Variants in SYT16 observed in about 807,000 individuals in gnomAD.
SYT16 encodes synaptotagmin-16.
Under a neutral mutation model 61.4 loss-of-function variants are expected in SYT16, and 42 were observed. The ratio of observed to expected loss-of-function variants is 0.68; its 90% CI spans 0.53 to 0.89. SYT16 has a LOEUF of 0.89. Among genes scored for constraint, SYT16 ranks in the 40% least tolerant of loss-of-function variants. The pLI, the probability that SYT16 is intolerant of heterozygous loss-of-function variation, is 0.00. For synonymous variants in SYT16, 314 were observed against 302.3 expected, an observed-to-expected ratio of 1.04 and a Z score of -0.40; for missense variants, 804 against 807.3, an observed-to-expected ratio of 1.00 and a Z score of 0.05.
chr14:62,031,521 G>T (rs1030100115), intron 3 of SYT16, among the ~76,000 whole-genome samples: 7 of 152,246 alleles, frequency 4.6e-5, no homozygotes, highest in African/African-American at 1.7e-4. Flanking sequence ...AACAAGAGGG[G>T]CAAATGTGAG....
At chr14:62,094,257 T>TA (rs1477226363) in intron 7 of SYT16, among the ~76,000 whole-genome samples, 1 of 152,170 alleles carries the variant, frequency 6.6e-6, no homozygotes, top group African/African-American at 2.4e-5. Flanking sequence ...CAAAGCCTTT[T>TA]AAAATCTCTT....
chr14:61,924,449 A>G (rs1013592997), intron 1 of SYT16, among the ~76,000 whole-genome samples: 3 of 152,206 alleles, frequency 2.0e-5, no homozygotes, highest in Non-Finnish European at 4.4e-5. Context: ...AGCAGCAGCA[A>G]TTTAGGATGT....
At chr14:61,950,050 T>C (rs1465339380) in intron 1 of SYT16, among the ~76,000 whole-genome samples, 1 of 152,254 alleles carries the variant, frequency 6.6e-6, no homozygotes, top group East Asian at 1.9e-4. Context: ...TGTAAAATGT[T>C]GCATGTTGTT....
At chr14:62,031,053 T>A (rs2054291957) in intron 3 of SYT16, among the ~76,000 whole-genome samples, 1 of 152,200 alleles carries the variant, frequency 6.6e-6, no homozygotes, top group African/African-American at 2.4e-5. Flanking sequence ...GGGATGTTTG[T>A]AAAGCACATA....
At chr14:61,921,124 T>C (rs1290256186) in intron 1 of SYT16, among the ~76,000 whole-genome samples, 4 of 152,224 alleles carry the variant, frequency 2.6e-5, no homozygotes, top group South Asian at 2.1e-4. Flanking sequence ...TTGGAGAATA[T>C]GCACTGACTT....
At chr14:62,091,019 A>G (rs1595392673) in intron 7 of SYT16, among the ~76,000 whole-genome samples, 1 of 152,192 alleles carries the variant, frequency 6.6e-6, no homozygotes, top group African/African-American at 2.4e-5. Context: ...TCCCTCCCAC[A>G]ACATGTGGGA....
At chr14:62,075,866 C>G (rs2056478081) in intron 5 of SYT16, among the ~76,000 whole-genome samples, 1 of 152,058 alleles carries the variant, frequency 6.6e-6, no homozygotes, top group South Asian at 2.1e-4. Flanking sequence ...AATGGCCTTC[C>G]AAGTGAAATT....
intron 1 of SYT16, among the ~76,000 whole-genome samples, chr14:61,945,034 T>C (rs905739334): frequency 2.6e-5 from 4 of 152,006 alleles, no homozygotes; most frequent in African/African-American, 9.7e-5. Flanking sequence ...CTTAAACAAA[T>C]TTACAAGAAA....
At chr14:61,825,514 C>T (rs1303357040) in intron 1 of SYT16, among the ~76,000 whole-genome samples, 1 of 152,134 alleles carries the variant, frequency 6.6e-6, no homozygotes, top group African/African-American at 2.4e-5. Flanking sequence ...GACCTCGTCT[C>T]TACAAAAAGA....
intron 7 of SYT16, among the ~76,000 whole-genome samples, chr14:62,088,918 T>A (rs147275176): frequency 5.7e-4 from 87 of 151,630 alleles, no homozygotes; most frequent in African/African-American, 2.1e-3. Flanking sequence ...ATAAAATGAG[T>A]CTTAGCCATG....
rs534830668 is a variant in SYT16 at position 61,906,228 on chromosome 14, G to A, written c.-324-63904G>A. Among the ~76,000 whole-genome samples the A allele has an allele frequency of 9.8e-5, 15 of 152,302 alleles. No individual in the cohort carries two copies. In the East Asian group the frequency reaches 2.9e-3, roughly 29 times the overall value. ...GAGGGCTGTGTCTACTGGTGAATGT[G>A]GGAGGGTTCTAGAATGACAAGCAGT... On this transcript the variant is annotated intron_variant, in intron 1 of 7. Transcript: ENST00000683842.
intron 1 of SYT16, among the ~76,000 whole-genome samples, chr14:61,905,734 T>C (rs368255312): frequency 6.7e-6 from 1 of 150,292 alleles, no homozygotes; most frequent in African/African-American, 2.5e-5. Flanking sequence ...ACTTCTATTT[T>C]CTGCTGCAAT....
chr14:61,927,262 A>G (rs1452276682), intron 1 of SYT16, among the ~76,000 whole-genome samples: 1 of 152,230 alleles, frequency 6.6e-6, no homozygotes, highest in African/African-American at 2.4e-5. Context: ...AGTGATGAAT[A>G]CTTGGGAAGT....
At chr14:61,982,191 C>A (rs1288491994) in intron 2 of SYT16, among the ~76,000 whole-genome samples, 13 of 152,252 alleles carry the variant, frequency 8.5e-5, no homozygotes, top group Non-Finnish European at 8.8e-5. Flanking sequence ...CCTCAGTAAA[C>A]CTTGGTAGTC....
chr14:61,840,023 C>A (rs1176992992), intron 1 of SYT16, among the ~76,000 whole-genome samples: 1 of 151,912 alleles, frequency 6.6e-6, no homozygotes, highest in African/African-American at 2.4e-5. Flanking sequence ...TGAACTCAGA[C>A]AATTCATGGG....
At chr14:61,825,440 G>A (rs2045742402) in intron 1 of SYT16, among the ~76,000 whole-genome samples, 4 of 152,182 alleles carry the variant, frequency 2.6e-5, no homozygotes, top group Admixed American at 2.0e-4. Flanking sequence ...CAGCACTTTG[G>A]GAGGTGGAGG....
At chr14:61,940,866 T>C (rs2050181427) in intron 1 of SYT16, among the ~76,000 whole-genome samples, 1 of 151,928 alleles carries the variant, frequency 6.6e-6, no homozygotes, top group South Asian at 2.1e-4. Context: ...GTTGACAAGG[T>C]CTGTATGTTT....
At chr14:61,902,583 A>AAGT (rs1346928740) in intron 1 of SYT16, among the ~76,000 whole-genome samples, 1 of 152,184 alleles carries the variant, frequency 6.6e-6, no homozygotes, top group Non-Finnish European at 1.5e-5. Flanking sequence ...AGGGAGCTGG[A>AAGT]AGTATAAGAT....
chr14:61,832,741 C>T (rs906257937), intron 1 of SYT16, among the ~76,000 whole-genome samples: 6 of 152,052 alleles, frequency 3.9e-5, no homozygotes, highest in Non-Finnish European at 5.9e-5. Flanking sequence ...CCCGGCCCAG[C>T]CCAGTAGTTC....
Sources: gnomAD v4.1 joint callset for allele counts (sites outside exome capture counted in the v4.1 genomes callset) on GRCh38, gnomAD v4.1.1 for gene constraint, MANE v1.5 for transcripts, NCBI Gene and HGNC (gene_info 2026-07-23, HGNC 2026-07-21) for gene names.